Variants in SMG6 observed in about 807,000 individuals in gnomAD.
SMG6 encodes SMG6 nonsense mediated mRNA decay factor.
SMG6 carries 66 observed loss-of-function variants against 142.2 expected under a neutral mutation model. The ratio of observed to expected loss-of-function variants is 0.46; its 90% CI spans 0.38 to 0.57. The LOEUF (loss-of-function observed/expected upper bound fraction) is 0.57, where lower values mean the gene tolerates loss of function less well. Ranked by LOEUF, SMG6 falls within the 20% of genes least tolerant of loss-of-function variation. SMG6 has a pLI of 0.00. For synonymous variants in SMG6, 779 were observed against 702.4 expected (o/e 1.11, Z -1.72); for missense variants, 1,793 against 1,832.0 (o/e 0.98, Z 0.39).
chr17:2,263,464 G>A (rs147445728), intron 8 of SMG6, among the ~76,000 whole-genome samples: 1 of 152,266 alleles, frequency 6.6e-6, no homozygotes, highest in African/African-American at 2.4e-5. Flanking sequence ...AGTAGCAGGA[G>A]AGGTGCCTAG....
chr17:2,137,004 A>T (rs753919034), intron 13 of SMG6, among the ~76,000 whole-genome samples: 1 of 152,074 alleles, frequency 6.6e-6, no homozygotes, highest in Non-Finnish European at 1.5e-5. Flanking sequence ...CAAAAAAATA[A>T]AATAAAAAAA....
Position 2,065,197 on chromosome 17 carries a change from G to A in SMG6, c.4048-43C>T, listed in dbSNP as rs369290834. The A allele has an allele frequency of 9.1e-5, 138 of 1,509,866 alleles. No individual in the cohort carries two copies. The African/African-American group carries it at 1.8e-3, about 20-fold the overall frequency. 93.5% of individuals were successfully genotyped at this position (1,509,866 alleles called of 1,614,324 possible). On this transcript the variant is annotated intron_variant, in intron 17 of 18. Coordinates refer to ENST00000263073, the MANE Select transcript of SMG6 (RefSeq NM_017575.5). ...TGAGAAGCACCACTGGGCAGAAGGGGGCGCCATGTGGAGGAGGAGGAGGGA... is the reference window on the plus strand; with the variant it reads ...TGAGAAGCACCACTGGGCAGAAGGGAGCGCCATGTGGAGGAGGAGGAGGGA...
In SMG6 at chr17:2,147,259, G is replaced by T. The variant is rs546037000; in HGVS notation, c.3357+25399C>A. Among the ~76,000 whole-genome samples the T allele has an allele frequency of 3.3e-4, 50 of 152,260 alleles. 3 individuals carry two copies. In the South Asian group the frequency reaches 8.1e-3, roughly 25 times the overall value. On this transcript the variant is annotated intron_variant, in intron 13 of 18. Transcript: ENST00000263073. Reference sequence around the variant, plus strand: ...AATACAAAAATTAGCTGAGCGTGGTGGTGGGTGACTGTAATCCCAGCTACT... The same window carrying T: ...AATACAAAAATTAGCTGAGCGTGGTTGTGGGTGACTGTAATCCCAGCTACT...
At chr17:2,246,443 T>C (rs1567714802) in intron 8 of SMG6, among the ~76,000 whole-genome samples, 1 of 152,252 alleles carries the variant, frequency 6.6e-6, no homozygotes, top group Non-Finnish European at 1.5e-5. Context: ...GTTCCATCTA[T>C]TTCATATGGA....
chr17:2,288,637 G>C (rs1030567810), intron 6 of SMG6, among the ~76,000 whole-genome samples: 3 of 142,196 alleles, frequency 2.1e-5, no homozygotes, highest in Non-Finnish European at 3.1e-5. Context: ...AAAAAAAAAA[G>C]TGGGTAAGAT....
intron 6 of SMG6, 71 bp from the exon 7 acceptor site, chr17:2,283,806 A>T (rs1198577458): frequency 1.7e-6 from 2 of 1,178,112 alleles, no homozygotes; most frequent in African/African-American, 3.0e-5. Flanking sequence ...CAGCTGACTC[A>T]GGAAACCCTA....
At chr17:2,087,775 A>C in intron 13 of SMG6, 1 of 985,998 alleles carries the variant, frequency 1.0e-6, no homozygotes, top group Non-Finnish European at 1.2e-6. Flanking sequence ...CCTGGCAGGC[A>C]GCACGCACAG....
intron 13 of SMG6, among the ~76,000 whole-genome samples, chr17:2,148,370 A>G (rs539952010): frequency 6.6e-6 from 1 of 152,366 alleles, no homozygotes; most frequent in Non-Finnish European, 1.5e-5. Context: ...GTCCATCAAC[A>G]GGTGAATGGA....
intron 13 of SMG6, among the ~76,000 whole-genome samples, chr17:2,169,412 G>A (rs2151643998): frequency 6.6e-6 from 1 of 152,206 alleles, no homozygotes. Context: ...ACTGATACAT[G>A]ATAGATACTC....
chr17:2,301,425 G>A (rs1255084984), intron 1 of SMG6, among the ~76,000 whole-genome samples: 1 of 152,174 alleles, frequency 6.6e-6, no homozygotes, highest in Non-Finnish European at 1.5e-5. Context: ...CTACTGTGAT[G>A]ATGGAATTAT....
In SMG6 at chr17:2,303,634, T is replaced by C; in HGVS notation, c.87A>G (p.Arg29=). The change falls in exon 1 of 19, where the codon AGA becomes AGG. Residue 29 remains arginine, a splice_region_variant and synonymous_variant. Coordinates refer to ENST00000263073, the MANE Select transcript of SMG6 (RefSeq NM_017575.5). ...LATLAPQAGS[R]ENMKELKEAR... The stretch of plus-strand genomic sequence containing the variant: ...CAGGAGCTGGGCGGCGCGACTCACC[T>C]CTGCTCCCGGCCTGCGGGGCCAGAG... 6.8e-7 allele frequency: 1 copy of C among 1,479,934 alleles called. No individual in the cohort carries two copies. The highest frequency in any genetic ancestry group is 1.3e-5 in the South Asian group (1 of 78,560). The allele number at this position is 1,479,934 out of a possible 1,614,324, so 91.7% of individuals were successfully genotyped here.
intron 10 of SMG6, among the ~76,000 whole-genome samples, chr17:2,220,775 T>C (rs751801078): frequency 3.3e-5 from 5 of 152,238 alleles, no homozygotes; most frequent in Admixed American, 3.3e-4. Context: ...TAAGTAAAAA[T>C]AGTAGAATCA....
chr17:2,124,972 AC>A (rs991683043), intron 13 of SMG6, among the ~76,000 whole-genome samples: 1 of 152,202 alleles, frequency 6.6e-6, no homozygotes, highest in African/African-American at 2.4e-5. Context: ...CAAGGTACAT[AC>A]GCTGCTATAA....
At chr17:2,072,620 T>G (rs1315218083) in intron 15 of SMG6, among the ~76,000 whole-genome samples, 1 of 152,178 alleles carries the variant, frequency 6.6e-6, no homozygotes, top group Non-Finnish European at 1.5e-5. Flanking sequence ...CGCTGCAAGC[T>G]GAGACACTGA....
At chr17:2,183,132 G>A (rs2071858546) in intron 12 of SMG6, among the ~76,000 whole-genome samples, 5 of 152,020 alleles carry the variant, frequency 3.3e-5, no homozygotes, top group African/African-American at 1.2e-4. Flanking sequence ...AGACTGAGGT[G>A]GGAGAATCAC....
intron 13 of SMG6, among the ~76,000 whole-genome samples, chr17:2,148,461 G>A (rs926284343): frequency 1.7e-4 from 26 of 152,210 alleles, no homozygotes; most frequent in African/African-American, 5.8e-4. Flanking sequence ...CACGTGCTAC[G>A]GCACGGATAA....
chr17:2,093,297 C>T (rs970140714), intron 13 of SMG6, among the ~76,000 whole-genome samples: 1 of 151,898 alleles, frequency 6.6e-6, no homozygotes, highest in Non-Finnish European at 1.5e-5. Context: ...GTGCAACACA[C>T]CTATGGTCCG....
chr17:2,117,188 G>A (rs558931346), intron 13 of SMG6, among the ~76,000 whole-genome samples: 1 of 150,486 alleles, frequency 6.6e-6, no homozygotes, highest in South Asian at 2.1e-4. Context: ...TTGACCTCCT[G>A]GGCTCAAGTG....
intron 4 of SMG6, among the ~76,000 whole-genome samples, chr17:2,295,181 A>C (rs2075119454): frequency 6.6e-6 from 1 of 152,092 alleles, no homozygotes; most frequent in African/African-American, 2.4e-5. Context: ...CCAGCCAAAA[A>C]CATCTGTCCA....
Sources: allele counts gnomAD v4.1 joint callset (sites outside exome capture counted in the v4.1 genomes callset), GRCh38; gene constraint gnomAD v4.1.1; transcripts MANE v1.5; gene names NCBI Gene and HGNC (gene_info 2026-07-23, HGNC 2026-07-21).